B3GNT5: variants seen among roughly 807,000 people sequenced by gnomAD.
B3GNT5 encodes lactosylceramide 1,3-N-acetyl-beta-D-glucosaminyltransferase.
A neutral mutation model predicts 25.9 loss-of-function variants in B3GNT5; 11 were observed. The observed-to-expected ratio is 0.42, with a 90% confidence interval of 0.27 to 0.70. B3GNT5 has a LOEUF of 0.70. Among genes scored for constraint, B3GNT5 ranks in the 30% least tolerant of loss-of-function variants. The probability of loss-of-function intolerance (pLI) is 0.23; values close to 1 mark genes in which losing one functional copy is unlikely to be tolerated. For missense variants in B3GNT5, 385 were observed against 458.4 expected, an observed-to-expected ratio of 0.84 and a Z score of 1.46; for synonymous variants, 166 against 158.6, an observed-to-expected ratio of 1.05 and a Z score of -0.35.
Position 183,270,471 on chromosome 3 carries a change from C to A in B3GNT5, c.673C>A (p.Arg225Ser). The A allele has an allele frequency of 6.2e-7, 1 of 1,614,158 alleles. No homozygotes were observed. Among genetic ancestry groups the A allele is most frequent in the Non-Finnish European group, 8.5e-7 (1 of 1,180,028 alleles). ...AGACTTTTGGATTGGTCGTGTTCAT[C>A]GTGGTGCCCCTCCCATTAGAGATAA... is the stretch of plus-strand genomic sequence containing the variant. ...VQDFWIGRVH[R>S]GAPPIRDKSS... is the part of the protein sequence containing the mutation. Residue 225 changes from arginine to serine, a missense_variant, in exon 2 of 2, where the codon CGT (arginine) becomes AGT (serine). Coordinates refer to ENST00000326505, the MANE Select transcript of B3GNT5 (RefSeq NM_032047.5). This position sits in a 1 kb window ranked among gnomAD's most constrained non-coding sequence, Gnocchi z 4.5.
chr3:183,272,437 GAAA>G lies in B3GNT5; in HGVS notation c.*1506_*1508del. The G allele has an allele frequency of 1.0e-6, 1 of 999,868 alleles. No homozygotes were observed. Among genetic ancestry groups the G allele is most frequent in the Middle Eastern group, 5.2e-4 (1 of 1,914 alleles). The allele number at this position is 999,868 out of a possible 1,614,324, so 61.9% of individuals were successfully genotyped here. On this transcript the variant is annotated 3_prime_UTR_variant, in exon 2 of 2. Transcript: ENST00000326505. ...ATGTCGGAAACACGCAAAACAAAAC[GAAA>G]AAAGATTTCTCAGTATACACAACTG...
chr3:183,266,534 AGGGCCCTTGTTTTG>A (rs1726139013), intron 1 of B3GNT5, among the ~76,000 whole-genome samples: 1 of 152,214 alleles, frequency 6.6e-6, no homozygotes, highest in Admixed American at 6.5e-5. Context: ...AGGAGGCCAG[AGGGCCCTTGTTTTG>A]GGGCTTCAGA....
At chr3:183,258,132 T>A (rs1055206629) in intron 1 of B3GNT5, among the ~76,000 whole-genome samples, 1 of 151,906 alleles carries the variant, frequency 6.6e-6, no homozygotes, top group Non-Finnish European at 1.5e-5. Context: ...CACACCCAGC[T>A]AATTTTTGTG....
chr3:183,257,125 G>A lies in B3GNT5; in HGVS notation c.-302+3653G>A, dbSNP rs187843554. On this transcript the variant is annotated intron_variant, in intron 1 of 1. Transcript: ENST00000326505. ...TAAAGCTACACAAACAGATTCTAGA[G>A]AAAGGAAATTTGCACAGATGGAACA... Among the ~76,000 whole-genome samples the A allele has an allele frequency of 3.3e-5, 5 of 152,270 alleles. No homozygotes were observed. The East Asian group carries it at 9.6e-4, about 29-fold the overall frequency.
At chr3:183,268,645 G>A (rs1726394934) in intron 1 of B3GNT5, among the ~76,000 whole-genome samples, 1 of 152,170 alleles carries the variant, frequency 6.6e-6, no homozygotes, top group African/African-American at 2.4e-5. Flanking sequence ...ACCCTAGTGT[G>A]CTAGGTAATC....
At chr3:183,258,134 A>AT (rs1329911437) in intron 1 of B3GNT5, among the ~76,000 whole-genome samples, 3 of 151,526 alleles carry the variant, frequency 2.0e-5, no homozygotes, top group African/African-American at 4.9e-5. Flanking sequence ...CACCCAGCTA[A>AT]TTTTTGTGTT....
chr3:183,266,677 T>C, intron 1 of B3GNT5, among the ~76,000 whole-genome samples: 1 of 152,210 alleles, frequency 6.6e-6, no homozygotes, highest in Non-Finnish European at 1.5e-5. Flanking sequence ...CAGAAACTGA[T>C]ATTTTCTGAC....
intron 1 of B3GNT5, among the ~76,000 whole-genome samples, chr3:183,261,617 G>A (rs1725594181): frequency 2.6e-5 from 4 of 152,058 alleles, no homozygotes; most frequent in South Asian, 4.1e-4. Flanking sequence ...GATATTCCAA[G>A]TATTAAATTG....
rs1726898528 is a variant in B3GNT5 at position 183,272,823 on chromosome 3, A to G, written c.*1888A>G. 8.2e-7 allele frequency: 1 copy of G among 1,219,062 alleles called. No homozygotes were observed. The highest frequency in any genetic ancestry group is 1.0e-6 in the Non-Finnish European group (1 of 967,160). 75.5% of individuals were successfully genotyped at this position (1,219,062 alleles called of 1,614,324 possible). A position where few individuals can be genotyped will look rare whatever the true frequency, so the allele number is the denominator to read the frequency against. ...ATACTTGGAAGTGTTTAAGGTTGCC[A>G]TTGGTTGAAAACATAAGTGTCTCTG... is the stretch of plus-strand genomic sequence containing the variant. On this transcript the variant is annotated 3_prime_UTR_variant, in exon 2 of 2. Transcript: ENST00000326505.
chr3:183,266,227 TAGC>T (rs1469061373), intron 1 of B3GNT5: 2 of 152,238 alleles, frequency 1.3e-5, no homozygotes, highest in African/African-American at 4.8e-5. Flanking sequence ...GCACAAAGTC[TAGC>T]AAGAAGCTCA....
intron 1 of B3GNT5, among the ~76,000 whole-genome samples, chr3:183,262,108 A>G (rs1725651638): frequency 6.7e-6 from 1 of 149,330 alleles, no homozygotes. Flanking sequence ...CATAATACTA[A>G]TACAAGGATT....
chr3:183,270,196 C>T lies in B3GNT5; in HGVS notation c.398C>T (p.Thr133Ile). Residue 133 changes from threonine (T) to isoleucine (I), a missense_variant, in exon 2 of 2, where the codon ACT (threonine) becomes ATT (isoleucine). Transcript: ENST00000326505. This position sits in a 1 kb window ranked among gnomAD's most constrained non-coding sequence, Gnocchi z 4.5. ...ANIKTLFALG[T>I]PNPLEGEELQ... ...ATCAAAACTCTGTTTGCCTTAGGAA[C>T]TCCTAATCCACTGGAGGGAGAAGAA... 1.2e-6 allele frequency: 2 copies of T among 1,614,164 alleles called. No individual in the cohort carries two copies. Among genetic ancestry groups the T allele is most frequent in the Non-Finnish European group, 8.5e-7 (1 of 1,180,026 alleles).
Position 183,270,210 on chromosome 3 carries a change from G to C in B3GNT5, c.412G>C (p.Glu138Gln), listed in dbSNP as rs201281355. The C allele has an allele frequency of 7.4e-6, 12 of 1,614,180 alleles. No individual in the cohort carries two copies. Among genetic ancestry groups the C allele is most frequent in the Non-Finnish European group, 8.5e-6 (10 of 1,180,032 alleles). The change falls in exon 2 of 2, where the codon GAG becomes CAG. Residue 138 changes from glutamate to glutamine, a missense_variant. By Grantham distance (29) the Glu-to-Gln change is conservative. Transcript: ENST00000326505. This position sits in a 1 kb window ranked among gnomAD's most constrained non-coding sequence, Gnocchi z 4.5. ...LFALGTPNPLEGEELQRKLAW... is the reference protein window; with the variant it reads ...LFALGTPNPLQGEELQRKLAW... ...TGCCTTAGGAACTCCTAATCCACTGGAGGGAGAAGAACTACAAAGAAAACT... is the reference window on the plus strand; with the variant it reads ...TGCCTTAGGAACTCCTAATCCACTGCAGGGAGAAGAACTACAAAGAAAACT...
intron 1 of B3GNT5, 21 bp downstream of exon 1, chr3:183,253,493 G>T (rs1724702681): frequency 6.6e-6 from 1 of 151,898 alleles, no homozygotes; most frequent in Non-Finnish European, 1.5e-5. Flanking sequence ...TGGGAAGCTG[G>T]CCTGGGGCGG....
chr3:183,269,230 CTT>C (rs60835895), intron 1 of B3GNT5, among the ~76,000 whole-genome samples: 32 of 80,922 alleles, frequency 4.0e-4, no homozygotes, highest in Admixed American at 5.2e-4. Flanking sequence ...GTTTGGGAAG[CTT>C]TTTTTTTTTT....
At position 183,256,668 on chromosome 3, in the gene B3GNT5, G is replaced by T. The variant is rs534569779; in HGVS notation, c.-302+3196G>T. On this transcript the variant is annotated intron_variant, in intron 1 of 1. Transcript: ENST00000326505. ...AAGATCCACCTAATATTTCAGATTT[G>T]ACTCTTTTGCTCCTTTCCTATAACT... 3.3e-5 allele frequency among the ~76,000 whole-genome samples: 5 copies of T among 152,260 alleles called. No individual in the cohort carries two copies. The East Asian group carries it at 9.6e-4, about 29-fold the overall frequency.
In B3GNT5 at chr3:183,267,871, G is replaced by A. The variant is rs1300903555; in HGVS notation, c.-301-1627G>A. Among the ~76,000 whole-genome samples, 2 of 152,136 alleles carry A rather than the reference G, an allele frequency of 1.3e-5. No homozygotes were observed. The highest frequency in any genetic ancestry group is 6.5e-5 in the Admixed American group (1 of 15,282). The stretch of plus-strand genomic sequence containing the variant: ...CCTTCCCCAGTAACCATCACTTTGA[G>A]TAAACAGTGGCTCCACCCCCGGCAT... On this transcript the variant is annotated intron_variant, in intron 1 of 1. Transcript: ENST00000326505. The surrounding 1 kb of genome is among the most constrained non-coding windows in gnomAD (Gnocchi z 5.5).
chr3:183,270,005 G>A lies in B3GNT5; in HGVS notation c.207G>A (p.Ala69=), dbSNP rs201133824. Residue 69 remains alanine, a synonymous_variant, in exon 2 of 2, where the codon GCG becomes GCA. Transcript: ENST00000326505. The surrounding 1 kb of genome is among the most constrained non-coding windows in gnomAD (Gnocchi z 4.5). ...CCCTGTCTCTTAAGCACACCTCAGC[G>A]GGGCCTCGCTACCAATACTTGATTA... ...NDTLSLKHTS[A]GPRYQYLINH... The A allele has an allele frequency of 9.3e-6, 15 of 1,614,086 alleles. No individual in the cohort carries two copies. The East Asian group carries it at 1.3e-4, about 14-fold the overall frequency.
Position 183,272,341 on chromosome 3 carries a change from G to C in B3GNT5, c.*1406G>C, listed in dbSNP as rs1465561660. 1 of 999,888 alleles carries C rather than the reference G, an allele frequency of 1.0e-6. No homozygotes were observed. The highest frequency in any genetic ancestry group is 1.7e-5 in the African/African-American group (1 of 57,224). The allele number at this position is 999,888 out of a possible 1,614,324, so 61.9% of individuals were successfully genotyped here. ...AATAATGACTTCAGCAAGAGTGACT[G>C]AACTCACTCTAAGGCCTTTGACTGC... On this transcript the variant is annotated 3_prime_UTR_variant, in exon 2 of 2. Transcript: ENST00000326505.
Sources: gnomAD v4.1 joint callset for allele counts (sites outside exome capture counted in the v4.1 genomes callset) on GRCh38, gnomAD v4.1.1 for gene constraint, Gnocchi (gnomAD v3.1) non-coding constraint, MANE v1.5 for transcripts, NCBI Gene and HGNC (gene_info 2026-07-23, HGNC 2026-07-21) for gene names.